Variants in FAM222A observed in about 807,000 individuals in gnomAD.
The protein encoded by FAM222A is protein FAM222A.
A neutral mutation model predicts 25.8 loss-of-function variants in FAM222A; 7 were observed. That is an observed-to-expected ratio of 0.27 (90% CI 0.15 to 0.51). The LOEUF is 0.51. FAM222A is among the 20% of genes least tolerant of loss of function. The pLI, the probability that FAM222A is intolerant of heterozygous loss-of-function variation, is 0.97. For synonymous variants in FAM222A, 294 were observed against 298.8 expected (o/e 0.98, Z 0.17); for missense variants, 573 against 640.5 (o/e 0.89, Z 1.14).
chr12:109,713,988 C>G lies in FAM222A; in HGVS notation c.-956C>G, dbSNP rs953270079. ...AGGCGAGGCGCCGGCGCGCGCCAGA[C>G]GGCGCGAGGCTGCGGCCCCGGGAGC... On this transcript the variant is annotated 5_prime_UTR_variant, in exon 1 of 3. Coordinates refer to ENST00000538780, the MANE Select transcript of FAM222A (RefSeq NM_032829.3). 3.4e-5 allele frequency among the ~76,000 whole-genome samples: 5 copies of G among 146,438 alleles called. No homozygotes were observed. Among genetic ancestry groups the G allele is most frequent in the Non-Finnish European group, 7.6e-5 (5 of 65,918 alleles).
chr12:109,768,942 G>T lies in FAM222A; in HGVS notation c.1013G>T (p.Ser338Ile). Reference protein sequence around the residue: ...PLNCGVGLPTSFTVGQYFAAP... With the variant: ...PLNCGVGLPTIFTVGQYFAAP... ...AACTGTGGCGTGGGGCTGCCCACCA[G>T]CTTCACCGTAGGCCAGTACTTTGCG... is the stretch of plus-strand genomic sequence containing the variant. The change falls in exon 3 of 3, where the codon AGC becomes ATC. Residue 338 changes from serine (S) to isoleucine (I), a missense_variant. Ser to Ile is a moderately radical substitution (Grantham distance 142). Around this residue, in one of 3 missense-constraint regions of FAM222A, gnomAD observed 412 missense variants for 407.0 expected, o/e 1.01. Transcript: ENST00000538780. The T allele has an allele frequency of 6.4e-7, 1 of 1,574,620 alleles. No homozygotes were observed. Among genetic ancestry groups the T allele is most frequent in the South Asian group, 1.1e-5 (1 of 87,360 alleles).
intron 1 of FAM222A, chr12:109,735,727 G>GC (rs957257798): frequency 6.6e-6 from 1 of 152,234 alleles, no homozygotes; most frequent in Non-Finnish European, 1.5e-5. Context: ...AAAAAACTGG[G>GC]CGGGGGGCTT....
chr12:109,724,212 G>A (rs569933516), intron 1 of FAM222A, among the ~76,000 whole-genome samples: 22 of 152,354 alleles, frequency 1.4e-4, no homozygotes, highest in Admixed American at 3.3e-4. Context: ...GCCTTGGCAC[G>A]TGCCATGCCA....
At chr12:109,728,862 A>G (rs1027805115) in intron 1 of FAM222A, among the ~76,000 whole-genome samples, 2 of 152,220 alleles carry the variant, frequency 1.3e-5, no homozygotes, top group African/African-American at 4.8e-5. Flanking sequence ...GGACGCCCAC[A>G]GAGCAGGGAG....
At chr12:109,755,092 G>GTCTTCACT (rs1376427435) in intron 2 of FAM222A, among the ~76,000 whole-genome samples, 3 of 152,046 alleles carry the variant, frequency 2.0e-5, no homozygotes, top group African/African-American at 7.2e-5. Context: ...TTCTGGAGTT[G>GTCTTCACT]TCTTCACTTT....
intron 1 of FAM222A, among the ~76,000 whole-genome samples, chr12:109,717,813 G>A (rs548400232): frequency 3.0e-4 from 46 of 152,318 alleles, no homozygotes; most frequent in Middle Eastern, 3.4e-3. Flanking sequence ...TCTAATTCCT[G>A]TAAGCTCGTC....
At chr12:109,718,459 G>T (rs1887686722) in intron 1 of FAM222A, among the ~76,000 whole-genome samples, 1 of 152,194 alleles carries the variant, frequency 6.6e-6, no homozygotes, top group Non-Finnish European at 1.5e-5. Context: ...TCATATTCAT[G>T]AACCGTAATT....
chr12:109,762,736 G>A (rs769053270), intron 2 of FAM222A, among the ~76,000 whole-genome samples: 4 of 152,210 alleles, frequency 2.6e-5, no homozygotes, highest in Non-Finnish European at 5.9e-5. Flanking sequence ...TGCTACTCTG[G>A]TGGAACAGGT....
intron 1 of FAM222A, among the ~76,000 whole-genome samples, chr12:109,730,046 C>G (rs1218341900): frequency 6.6e-6 from 1 of 152,184 alleles, no homozygotes; most frequent in Non-Finnish European, 1.5e-5. Context: ...TCCTTCTTGC[C>G]TGTGGGTGGT....
chr12:109,719,018 G>T (rs558046092), intron 1 of FAM222A, among the ~76,000 whole-genome samples: 38 of 152,326 alleles, frequency 2.5e-4, no homozygotes, highest in African/African-American at 7.2e-4. Context: ...CAGAGTTAGT[G>T]CCACTTCAGA....
At chr12:109,723,761 C>T (rs903074224) in intron 1 of FAM222A, among the ~76,000 whole-genome samples, 2 of 152,234 alleles carry the variant, frequency 1.3e-5, no homozygotes, top group African/African-American at 4.8e-5. Flanking sequence ...CCTGGGCCTC[C>T]GCCCCTCCTC....
intron 1 of FAM222A, among the ~76,000 whole-genome samples, chr12:109,743,390 C>T (rs1888298088): frequency 6.6e-6 from 1 of 152,236 alleles, no homozygotes; most frequent in Non-Finnish European, 1.5e-5. Context: ...CTGTGTGCAG[C>T]CACATCTGAG....
At position 109,769,234 on chromosome 12, in the gene FAM222A, G is replaced by C; in HGVS notation, c.1305G>C (p.Val435=). The stretch of plus-strand genomic sequence containing the variant: ...GCAAGGGCTATGAGACGGTGGCCGT[G>C]CCCCGGCTACTCGACCACCAGCATG... The part of the protein sequence containing the change: ...MLGKGYETVA[V]PRLLDHQHAH... The change falls in exon 3 of 3, where the codon GTG becomes GTC. Residue 435 remains valine (V), a synonymous_variant. Transcript: ENST00000538780. 3 of 1,611,748 alleles carry C rather than the reference G, an allele frequency of 1.9e-6. No individual in the cohort carries two copies. Among genetic ancestry groups the C allele is most frequent in the Non-Finnish European group, 2.5e-6 (3 of 1,179,622 alleles).
chr12:109,740,069 A>G (rs1298103570), intron 1 of FAM222A, among the ~76,000 whole-genome samples: 1 of 152,204 alleles, frequency 6.6e-6, no homozygotes, highest in Non-Finnish European at 1.5e-5. Flanking sequence ...CAAGCCCCCA[A>G]ATCCCTGTTC....
chr12:109,725,319 T>G (rs1413628306), intron 1 of FAM222A, among the ~76,000 whole-genome samples: 1 of 151,858 alleles, frequency 6.6e-6, no homozygotes, highest in Non-Finnish European at 1.5e-5. Flanking sequence ...TTCTCACAGA[T>G]GAGTAAACTG....
chr12:109,733,345 A>C (rs1887992818), intron 1 of FAM222A, among the ~76,000 whole-genome samples: 1 of 152,220 alleles, frequency 6.6e-6, no homozygotes, highest in Non-Finnish European at 1.5e-5. Flanking sequence ...TATATTATTA[A>C]ATTTAATTTC....
At chr12:109,756,893 T>TA (rs1482841952) in intron 2 of FAM222A, among the ~76,000 whole-genome samples, 1 of 152,218 alleles carries the variant, frequency 6.6e-6, no homozygotes, top group African/African-American at 2.4e-5. Context: ...CTCTTTTTTT[T>TA]ATGGAAGAGG....
At chr12:109,763,374 C>G (rs1320687318) in intron 2 of FAM222A, among the ~76,000 whole-genome samples, 1 of 152,232 alleles carries the variant, frequency 6.6e-6, no homozygotes, top group African/African-American at 2.4e-5. Flanking sequence ...TTTAATATTT[C>G]TCATGGTTTC....
chr12:109,731,783 C>T (rs1045154184), intron 1 of FAM222A, among the ~76,000 whole-genome samples: 4 of 152,074 alleles, frequency 2.6e-5, no homozygotes, highest in African/African-American at 7.2e-5. Flanking sequence ...AGGGGTTTGT[C>T]GGGTTGAGGT....
Sources: allele counts gnomAD v4.1 joint callset (sites outside exome capture counted in the v4.1 genomes callset), GRCh38; gene constraint gnomAD v4.1.1; regional missense constraint gnomAD v4.1.1; transcripts MANE v1.5; gene names NCBI Gene and HGNC (gene_info 2026-07-23, HGNC 2026-07-21).